Variants in MS4A4E observed in about 807,000 individuals in gnomAD.
The protein encoded by MS4A4E is putative membrane-spanning 4-domains subfamily A member 4E.
Under a neutral mutation model 13.3 loss-of-function variants are expected in MS4A4E, and 23 were observed. That is an observed-to-expected ratio of 1.73 (90% confidence interval 1.25 to 2.45). MS4A4E has a LOEUF of 2.45. Ranked by LOEUF, MS4A4E falls within the 30% of genes most tolerant of loss-of-function variation. MS4A4E has a pLI of 0.00. For missense variants in MS4A4E, 144 were observed against 131.2 expected, an observed-to-expected ratio of 1.10 and a Z score of -0.48; for synonymous variants, 36 against 45.6, an observed-to-expected ratio of 0.79 and a Z score of 0.85.
intron 5 of MS4A4E, among the ~76,000 whole-genome samples, chr11:60,210,029 T>C (rs921131888): frequency 3.3e-5 from 5 of 152,196 alleles, no homozygotes; most frequent in African/African-American, 1.2e-4. Context: ...CATCTAGAAG[T>C]GTAGACTAGA....
intron 1 of MS4A4E, among the ~76,000 whole-genome samples, chr11:60,239,849 G>A (rs564961106): frequency 8.5e-5 from 13 of 152,294 alleles, no homozygotes; most frequent in African/African-American, 2.9e-4. Context: ...AAAATAGCAG[G>A]CCTTATTTTT....
chr11:60,209,688 A>G (rs1445900291), intron 5 of MS4A4E, among the ~76,000 whole-genome samples: 1 of 152,248 alleles, frequency 6.6e-6, no homozygotes, highest in Non-Finnish European at 1.5e-5. Flanking sequence ...GCCAAGAAAC[A>G]TAGTCAAAAT....
intron 1 of MS4A4E, among the ~76,000 whole-genome samples, chr11:60,242,061 T>G (rs2084559218): frequency 6.6e-6 from 1 of 152,164 alleles, no homozygotes; most frequent in Non-Finnish European, 1.5e-5. Context: ...CCCTTTTTCT[T>G]GGCAGAGTTA....
At chr11:60,205,690 G>A (rs921654562) in intron 7 of MS4A4E, among the ~76,000 whole-genome samples, 24 bp downstream of exon 7, 1 of 152,202 alleles carries the variant, frequency 6.6e-6, no homozygotes, top group African/African-American at 2.4e-5. Context: ...AGGGTTGTCT[G>A]ATTAGAAAGT....
At chr11:60,228,709 C>T (rs1456865734) in intron 2 of MS4A4E, 82 bp from the exon 3 acceptor site, 7 of 665,872 alleles carry the variant, frequency 1.1e-5, no homozygotes, top group Non-Finnish European at 2.7e-6. Flanking sequence ...TAGGTGAATG[C>T]ATAAATAAAC....
intron 1 of MS4A4E, among the ~76,000 whole-genome samples, chr11:60,238,975 A>T (rs2084516466): frequency 1.3e-5 from 2 of 152,368 alleles, no homozygotes; most frequent in Admixed American, 6.5e-5. Flanking sequence ...ATAAAAACAT[A>T]TGTCCACACA....
chr11:60,200,862 G>A lies in MS4A4E; in HGVS notation c.*681C>T, dbSNP rs1453718328. Among the ~76,000 whole-genome samples, 14 of 150,614 alleles carry A rather than the reference G, an allele frequency of 9.3e-5. No individual in the cohort carries two copies. In the South Asian group the frequency reaches 1.2e-3, roughly 13 times the overall value. ...GAGGGGCTCCTCACTTCCCAGTAGG[G>A]GCGGCTGGGCAGAGGCACCCCTCAC... On this transcript the variant is annotated 3_prime_UTR_variant, in exon 9 of 9. Coordinates refer to ENST00000651255, the MANE Select transcript of MS4A4E (RefSeq NM_001393391.1).
intron 1 of MS4A4E, among the ~76,000 whole-genome samples, chr11:60,231,612 C>G (rs114814146): frequency 0.014 from 2,058 of 152,202 alleles, 49 homozygotes; most frequent in African/African-American, 0.046. Flanking sequence ...TCACAGATTT[C>G]AGATTATACT....
intron 1 of MS4A4E, among the ~76,000 whole-genome samples, chr11:60,231,060 G>T (rs181247176): frequency 1.3e-5 from 2 of 152,080 alleles, no homozygotes; most frequent in Non-Finnish European, 2.9e-5. Flanking sequence ...AATTGTCATC[G>T]TGTATTTATC....
rs554525428 is a variant in MS4A4E, at chr11:60,234,583, T to C, written c.-16-4512A>G. 4.5e-3 allele frequency among the ~76,000 whole-genome samples: 680 copies of C among 152,198 alleles called. 3 individuals carry two copies. The highest frequency in any genetic ancestry group is 0.016 in the African/African-American group (663 of 41,502). ...CTTTGTGCACTCACTTCCATCTTTT[T>C]CCATGGGATCACCCTCACCAGAGGT... On this transcript the variant is annotated intron_variant, in intron 1 of 8. Transcript: ENST00000651255.
chr11:60,214,638 G>C, intron 3 of MS4A4E, 24 bp from the exon 4 acceptor site: 1 of 1,471,340 alleles, frequency 6.8e-7, no homozygotes, highest in Non-Finnish European at 9.1e-7. Context: ...ATAAGAATGA[G>C]AGAAAAAAAT....
At chr11:60,212,670 T>G (rs2084138728) in intron 5 of MS4A4E, among the ~76,000 whole-genome samples, 1 of 152,172 alleles carries the variant, frequency 6.6e-6, no homozygotes, top group South Asian at 2.1e-4. Flanking sequence ...AGACACTGCA[T>G]CAATGTTTTA....
rs71036563 is a variant in MS4A4E at position 60,240,997 on chromosome 11, TTTTATTTA to T, written c.-17+1953_-17+1960del. On this transcript the variant is annotated intron_variant, in intron 1 of 8. Coordinates refer to ENST00000651255, the MANE Select transcript of MS4A4E (RefSeq NM_001393391.1). ...TTCTTAGTCCATCTAAATGTGTACT[TTTTATTTA>T]TTTATTTATTTATTTATTTACTTAT... 9.0e-3 allele frequency among the ~76,000 whole-genome samples: 1,362 copies of T among 151,248 alleles called. 20 individuals carry two copies. Among genetic ancestry groups the T allele is most frequent in the African/African-American group, 0.031 (1,259 of 41,216 alleles).
At chr11:60,230,192 A>G in intron 1 of MS4A4E, 121 bp from the exon 2 acceptor site, 2 of 1,130,916 alleles carry the variant, frequency 1.8e-6, no homozygotes, top group Non-Finnish European at 2.4e-6. Flanking sequence ...CAATATTATA[A>G]CAGTTGTTAG....
intron 1 of MS4A4E, among the ~76,000 whole-genome samples, chr11:60,241,621 TC>T (rs2084552937): frequency 1.3e-5 from 2 of 152,230 alleles, no homozygotes; most frequent in South Asian, 4.1e-4. Context: ...TATAACTGCC[TC>T]CTATCTTTAC....
intron 1 of MS4A4E, among the ~76,000 whole-genome samples, chr11:60,237,593 C>T (rs2084499624): frequency 6.6e-6 from 1 of 152,102 alleles, no homozygotes; most frequent in Admixed American, 6.6e-5. Flanking sequence ...TTCTCCATAA[C>T]CTCGTTAGTA....
intron 1 of MS4A4E, among the ~76,000 whole-genome samples, chr11:60,239,779 T>A (rs1565131469): frequency 6.6e-6 from 1 of 152,230 alleles, no homozygotes; most frequent in East Asian, 1.9e-4. Context: ...AACCTATAAG[T>A]AGACTTCAGC....
chr11:60,224,929 G>A, intron 3 of MS4A4E: 1 of 1,465,386 alleles, frequency 6.8e-7, no homozygotes, highest in East Asian at 2.5e-5. Flanking sequence ...CCTCTATTAT[G>A]TTATATCCAA....
chr11:60,233,058 C>T (rs776973727), intron 1 of MS4A4E, among the ~76,000 whole-genome samples: 1 of 152,106 alleles, frequency 6.6e-6, no homozygotes, highest in Non-Finnish European at 1.5e-5. Context: ...CTGACCTGTC[C>T]CCTGGAGTCC....
Sources: gnomAD v4.1 joint callset for allele counts (sites outside exome capture counted in the v4.1 genomes callset) on GRCh38, gnomAD v4.1.1 for gene constraint, MANE v1.5 for transcripts, NCBI Gene and HGNC (gene_info 2026-07-23, HGNC 2026-07-21) for gene names.